The following SMPD2 variants were observed in gnomAD, a reference collection of about 807,000 sequenced individuals.
SMPD2 encodes the protein sphingomyelin phosphodiesterase 2.
SMPD2 carries 35 observed loss-of-function variants against 41.7 expected under a neutral mutation model. The observed-to-expected ratio is 0.84, with a 90% CI of 0.64 to 1.11. The LOEUF (loss-of-function observed/expected upper bound fraction) is 1.11, where lower values mean the gene tolerates loss of function less well. Among genes scored for constraint, SMPD2 ranks in the 50% most tolerant of loss-of-function variants. The probability of loss-of-function intolerance (pLI) is 0.00; values close to 1 mark genes in which losing one functional copy is unlikely to be tolerated. For synonymous variants in SMPD2, 201 were observed against 208.2 expected (o/e 0.97, Z 0.30); for missense variants, 520 against 524.8 (o/e 0.99, Z 0.09).
At position 109,441,102 on chromosome 6, in the gene SMPD2, G is replaced by A. The variant is rs777103986; in HGVS notation, c.-20G>A. The A allele has an allele frequency of 6.2e-7, 1 of 1,613,990 alleles. No individual in the cohort carries two copies. The highest frequency in any genetic ancestry group is 8.5e-7 in the Non-Finnish European group (1 of 1,179,914). On this transcript the variant is annotated 5_prime_UTR_variant, in exon 1 of 10. Transcript: ENST00000258052. ...CGCTGGAGAGTTCGAGCCGCCTAGC[G>A]CCCCTGGAGCTCCCCAACCATGAAG... is the stretch of plus-strand genomic sequence containing the variant.
Position 109,440,883 on chromosome 6 carries a change from T to G in SMPD2, c.-239T>G. The G allele has an allele frequency of 3.7e-6, 2 of 541,406 alleles. No individual in the cohort carries two copies. Among genetic ancestry groups the G allele is most frequent in the Non-Finnish European group, 6.4e-6 (2 of 313,234 alleles). The allele number at this position is 541,406 out of a possible 1,614,324, so 33.5% of individuals were successfully genotyped here. A position where few individuals can be genotyped will look rare whatever the true frequency, so the allele number is the denominator to read the frequency against. On this transcript the variant is annotated 5_prime_UTR_variant, in exon 1 of 10. Coordinates refer to ENST00000258052, the MANE Select transcript of SMPD2 (RefSeq NM_003080.3). ...CCCTTACCGAGCCTGGGCGCCCGGA[T>G]TTCGGCAGCGGATCGCCTTTCCGGG...
chr6:109,442,748 C>T lies in SMPD2; in HGVS notation c.492-4C>T. 6.2e-7 allele frequency: 1 copy of T among 1,614,118 alleles called. No individual in the cohort carries two copies. The highest frequency in any genetic ancestry group is 8.5e-7 in the Non-Finnish European group (1 of 1,180,030). The stretch of plus-strand genomic sequence containing the variant: ...CTCCCGCCTCACCAACCTGGTTCCC[C>T]CAGCCACACATCCAAGAAGGCAGAC... On this transcript the variant is annotated splice_polypyrimidine_tract_variant and splice_region_variant and intron_variant, in intron 6 of 9. Coordinates refer to ENST00000258052, the MANE Select transcript of SMPD2 (RefSeq NM_003080.3).
Position 109,443,292 on chromosome 6 carries a change from G to C in SMPD2, c.755G>C (p.Cys252Ser). 6.2e-7 allele frequency: 1 copy of C among 1,614,132 alleles called. No individual in the cohort carries two copies. The highest frequency in any genetic ancestry group is 8.5e-7 in the Non-Finnish European group (1 of 1,180,014). ...GCAGTTTCTGGGTTTTACATCTCCT[G>C]TAAGAGTTTTGAAACCACTACAGGC... is the stretch of plus-strand genomic sequence containing the variant. Reference protein sequence around the residue: ...YKAVSGFYISCKSFETTTGFD... With the variant: ...YKAVSGFYISSKSFETTTGFD... The change falls in exon 9 of 10, where the codon TGT becomes TCT. Residue 252 changes from cysteine to serine, a missense_variant. Cys to Ser is a moderately radical substitution (Grantham distance 112). Transcript: ENST00000258052.
At position 109,442,648 on chromosome 6, in the gene SMPD2, T is replaced by C. The variant is rs780474494; in HGVS notation, c.491+23T>C. 5.0e-5 allele frequency: 81 copies of C among 1,613,968 alleles called. 1 individual carries two copies. Among genetic ancestry groups the C allele is most frequent in the Admixed American group, 3.2e-4 (19 of 59,996 alleles). ...CCAGTGTGTGAGCCTGGGCTTGAAA[T>C]GGGAAGTGGGATGGGACCCAGGGGC... On this transcript the variant is annotated intron_variant, in intron 6 of 9. Transcript: ENST00000258052.
Position 109,443,873 on chromosome 6 carries a change from C to G in SMPD2, c.1240C>G (p.Gln414Glu), listed in dbSNP as rs1475172155. 4 of 1,612,304 alleles carry G rather than the reference C, an allele frequency of 2.5e-6. No homozygotes were observed. In the African/African-American group the frequency reaches 5.3e-5, roughly 22 times the overall value. Residue 414 changes from glutamine (Q) to glutamate (E), a missense_variant, in exon 10 of 10, where the codon CAG becomes GAG. By Grantham distance (29) the Gln-to-Glu change is conservative. Transcript: ENST00000258052. ...PEPQPALLLG[Q>E]QEGDRTKEQ ...GCCTCAGCCAGCCCTACTCCTGGGG[C>G]AGCAGGAGGGGGACAGAACTAAAGA...
rs1774819167 is a variant in SMPD2 at position 109,440,761 on chromosome 6, G to C, written c.-361G>C. ...GCCTGTTGCTGGGCCGCCGGCGCGC[G>C]GGCGGCCGCGACCGCCGGGGACGAG... On this transcript the variant is annotated 5_prime_UTR_variant, in exon 1 of 10. Transcript: ENST00000258052. 1 of 372,108 alleles carries C rather than the reference G, an allele frequency of 2.7e-6. No individual in the cohort carries two copies. Among genetic ancestry groups the C allele is most frequent in the Non-Finnish European group, 4.2e-6 (1 of 235,788 alleles). The allele number at this position is 372,108 out of a possible 1,614,324, so 23.1% of individuals were successfully genotyped here. A position where few individuals can be genotyped will look rare whatever the true frequency, so the allele number is the denominator to read the frequency against.
chr6:109,441,197 TG>T (rs762452099), intron 1 of SMPD2, 26 bp downstream of exon 1: 2 of 1,613,688 alleles, frequency 1.2e-6, no homozygotes, highest in Non-Finnish European at 1.7e-6. Context: ...GAGTGCGGTC[TG>T]GGGGCCACCT....
In SMPD2 at chr6:109,442,557, C is replaced by A. The variant is rs756935410; in HGVS notation, c.423C>A (p.Tyr141Ter). The A allele has an allele frequency of 2.5e-6, 4 of 1,613,080 alleles. No individual in the cohort carries two copies. In the African/African-American group the frequency reaches 4.0e-5, roughly 16 times the overall value. ...ATCTTGCTCAGCTCCATGCCGAATA[C>A]AATCGACAGAAGGACATCTACCTAG... ...NAYVTHLHAE[Y>*]NRQKDIYLAH... Residue 141 changes from tyrosine (Y) to a stop codon, truncating the protein, a stop_gained, in exon 6 of 10, where the codon TAC becomes TAA. Transcript: ENST00000258052. LOFTEE classifies it high-confidence loss of function.
chr6:109,441,539 C>T lies in SMPD2; in HGVS notation c.148-13C>T. The stretch of plus-strand genomic sequence containing the variant: ...GGGAAAGACCAAGCAGGCATCCTCA[C>T]CGCTTCCCTCAGGTGTGGAGTGAGC... On this transcript the variant is annotated splice_polypyrimidine_tract_variant and intron_variant, in intron 2 of 9. Transcript: ENST00000258052. 6.2e-7 allele frequency: 1 copy of T among 1,614,146 alleles called. No homozygotes were observed. The highest frequency in any genetic ancestry group is 8.5e-7 in the Non-Finnish European group (1 of 1,179,972).
In SMPD2 at chr6:109,443,415, C is replaced by T. The variant is rs1248364948; in HGVS notation, c.878C>T (p.Thr293Ile). The change falls in exon 9 of 10, where the codon ACC (threonine) becomes ATC (isoleucine). Residue 293 changes from threonine (T) to isoleucine (I), a missense_variant. By Grantham distance (89) the Thr-to-Ile change is moderately conservative. Coordinates refer to ENST00000258052, the MANE Select transcript of SMPD2 (RefSeq NM_003080.3). Reference sequence around the variant, plus strand: ...CCCCCACAGCAGAACCCCAGCTCTACCCACGGTGAGTCACCCCCACCCTTT... The same window carrying T: ...CCCCCACAGCAGAACCCCAGCTCTATCCACGGTGAGTCACCCCCACCCTTT... ...HSPPQQNPSS[T>I]HGPAERSPLM... The T allele has an allele frequency of 5.6e-6, 9 of 1,613,756 alleles. No homozygotes were observed. The highest frequency in any genetic ancestry group is 4.0e-5 in the African/African-American group (3 of 74,920).
In SMPD2 at chr6:109,440,937, G is replaced by T; in HGVS notation, c.-185G>T. 1.7e-6 allele frequency: 1 copy of T among 603,854 alleles called. No homozygotes were observed. The highest frequency in any genetic ancestry group is 3.1e-5 in the East Asian group (1 of 32,184). The allele number at this position is 603,854 out of a possible 1,614,324, so 37.4% of individuals were successfully genotyped here. On this transcript the variant is annotated 5_prime_UTR_variant, in exon 1 of 10. Coordinates refer to ENST00000258052, the MANE Select transcript of SMPD2 (RefSeq NM_003080.3). ...GCGGCCCGCCTGATTGGGAACAGCC[G>T]GCCGGTTGCCGGGGGAACGCGGGAG...
chr6:109,442,619 T>G lies in SMPD2; in HGVS notation c.485T>G (p.Phe162Cys). The change falls in exon 6 of 10, where the codon TTC becomes TGC. Residue 162 changes from phenylalanine (F) to cysteine (C), a missense_variant. Phe to Cys is a radical substitution (Grantham distance 205). Transcript: ENST00000258052. ...RVAQAWELAQ[F>C]IHHTSKKADV... ...GCCCAAGCTTGGGAATTGGCCCAGT[T>G]CATCCAGTGTGTGAGCCTGGGCTTG... 1 of 1,614,160 alleles carries G rather than the reference T, an allele frequency of 6.2e-7. No homozygotes were observed. Among genetic ancestry groups the G allele is most frequent in the Non-Finnish European group, 8.5e-7 (1 of 1,180,024 alleles).
Position 109,443,516 on chromosome 6 carries a change from G to C in SMPD2, c.884-1G>C. 6.2e-7 allele frequency: 1 copy of C among 1,609,340 alleles called. No individual in the cohort carries two copies. The highest frequency in any genetic ancestry group is 8.5e-7 in the Non-Finnish European group (1 of 1,176,826). ...TGCCCCACTGCCCTGCTCTGTTGTA[G>C]GACCAGCAGAGAGGTCGCCGTTGAT... On this transcript the variant is annotated splice_acceptor_variant, in intron 9 of 9. Coordinates refer to ENST00000258052, the MANE Select transcript of SMPD2 (RefSeq NM_003080.3). LOFTEE classifies it high-confidence loss of function.
intron 4 of SMPD2, 37 bp downstream of exon 4, chr6:109,442,104 C>T: frequency 6.3e-7 from 1 of 1,584,224 alleles, no homozygotes; most frequent in South Asian, 1.1e-5. Flanking sequence ...CCTCCCTTCC[C>T]CACCTCCAGT....
chr6:109,443,219 G>T, intron 8 of SMPD2, 48 bp from the exon 9 acceptor site: 1 of 1,605,744 alleles, frequency 6.2e-7, no homozygotes. Flanking sequence ...GGTTCTCTGG[G>T]AAGAGGCCCT....
chr6:109,442,408 T>C, intron 5 of SMPD2, 109 bp downstream of exon 5: 2 of 1,356,374 alleles, frequency 1.5e-6, no homozygotes, highest in Non-Finnish European at 2.1e-6. Context: ...GGGGGCAAGA[T>C]CTTATAAGGA....
In SMPD2 at chr6:109,443,067, T is replaced by G. The variant is rs1213360472; in HGVS notation, c.715T>G (p.Tyr239Asp). Reference sequence around the variant, plus strand: ...ATTTCCCTTTGGTGTCCGCATTGACTACGTGCTTTACAAGGTCAGGCTCCT... The same window carrying G: ...ATTTCCCTTTGGTGTCCGCATTGACGACGTGCTTTACAAGGTCAGGCTCCT... ...KPFPFGVRID[Y>D]VLYKAVSGFY... The change falls in exon 8 of 10, where the codon TAC becomes GAC. Residue 239 changes from tyrosine (Y) to aspartate (D), a missense_variant. Tyr to Asp is a radical substitution (Grantham distance 160). Transcript: ENST00000258052. 6.2e-7 allele frequency: 1 copy of G among 1,613,704 alleles called. No homozygotes were observed.
chr6:109,442,147 C>T, intron 4 of SMPD2, 63 bp from the exon 5 acceptor site: 1 of 1,592,426 alleles, frequency 6.3e-7, no homozygotes, highest in South Asian at 1.1e-5. Flanking sequence ...CCTCTGAGAG[C>T]TGCAGGGGAT....
rs753563050 is a variant in SMPD2, at chr6:109,441,387, C to G, written c.81C>G (p.Ala27=). 1.2e-6 allele frequency: 2 copies of G among 1,614,116 alleles called. No individual in the cohort carries two copies. Among genetic ancestry groups the G allele is most frequent in the South Asian group, 2.2e-5 (2 of 91,086 alleles). ...WGIPYLSKHR[A]DRMRRLGDFL... is the part of the protein sequence containing the mutation. The stretch of plus-strand genomic sequence containing the variant: ...TTCCGTACTTGAGCAAGCACCGGGC[C>G]GACCGCATGAGGCGCCTGGGAGACT... The change falls in exon 2 of 10, where the codon GCC becomes GCG. Residue 27 remains alanine, a synonymous_variant. Coordinates refer to ENST00000258052, the MANE Select transcript of SMPD2 (RefSeq NM_003080.3).
Sources: gnomAD v4.1 joint callset for allele counts on GRCh38, gnomAD v4.1.1 for gene constraint, MANE v1.5 for transcripts, NCBI Gene and HGNC (gene_info 2026-07-23, HGNC 2026-07-21) for gene names.